The following GCC2 variants were observed in gnomAD, a reference collection of about 807,000 sequenced individuals.
GCC2 encodes the protein GRIP and coiled-coil domain containing 2.
In GCC2, 120 loss-of-function variants were observed where a neutral mutation model predicts 210.6. The observed-to-expected ratio is 0.57, with a 90% CI of 0.49 to 0.66. The LOEUF (loss-of-function observed/expected upper bound fraction) is 0.66, where lower values mean the gene tolerates loss of function less well. Ranked by LOEUF, GCC2 falls within the 30% of genes least tolerant of loss-of-function variation. The pLI is 0.00. For synonymous variants in GCC2, 703 were observed against 652.7 expected, an observed-to-expected ratio of 1.08 and a Z score of -1.17; for missense variants, 1,868 against 1,871.9, an observed-to-expected ratio of 1.00 and a Z score of 0.04.
chr2:108,486,127 A>G (rs1682127357), intron 15 of GCC2, among the ~76,000 whole-genome samples: 1 of 152,208 alleles, frequency 6.6e-6, no homozygotes. Flanking sequence ...AATATACTAT[A>G]GAATAGTGCA....
At position 108,486,694 on chromosome 2, in the gene GCC2, T is replaced by C. The variant is rs1193371609; in HGVS notation, c.3930+46T>C. The C allele has an allele frequency of 3.2e-6, 5 of 1,567,908 alleles. No individual in the cohort carries two copies. In the Admixed American group the frequency reaches 9.2e-5, roughly 29 times the overall value. ...ACAGCAAGCCACTGGGATTTTATTA[T>C]CAGCTAGTCATTGGTTTACTCCAGG... On this transcript the variant is annotated intron_variant, in intron 16 of 22. Transcript: ENST00000309863.
chr2:108,455,400 C>A (rs1680202459), intron 4 of GCC2, among the ~76,000 whole-genome samples: 1 of 151,994 alleles, frequency 6.6e-6, no homozygotes, highest in African/African-American at 2.4e-5. Context: ...GATAGTGCCA[C>A]TGCACTACAG....
chr2:108,482,361 A>G lies in GCC2; in HGVS notation c.3255A>G (p.Leu1085=), dbSNP rs1266296314. Residue 1085 remains leucine (L), a synonymous_variant, in exon 11 of 23, where the codon TTA becomes TTG. Transcript: ENST00000309863. ...IETLQSNAKL[L]EVQILEVQRA... is the part of the protein sequence containing the mutation. The stretch of plus-strand genomic sequence containing the variant: ...CATTACAGTCTAATGCCAAATTATT[A>G]GAAGTACAGATTTTAGAAGTCCAGA... 4 of 1,577,810 alleles carry G rather than the reference A, an allele frequency of 2.5e-6. No individual in the cohort carries two copies. In the African/African-American group the frequency reaches 5.4e-5, roughly 21 times the overall value.
At position 108,449,239 on chromosome 2, in the gene GCC2, G is replaced by C; in HGVS notation, c.-36G>C. 1.9e-6 allele frequency: 3 copies of C among 1,546,836 alleles called. No homozygotes were observed. Among genetic ancestry groups the C allele is most frequent in the East Asian group, 2.4e-5 (1 of 40,856 alleles). ...GCGCAAACAGAAGTGCAGCGGTGGC[G>C]GCGGCTGGTTGCGGGCCGGCGGCGG... is the stretch of plus-strand genomic sequence containing the variant. On this transcript the variant is annotated 5_prime_UTR_variant, in exon 1 of 23. Coordinates refer to ENST00000309863, the MANE Select transcript of GCC2 (RefSeq NM_181453.4).
intron 4 of GCC2, among the ~76,000 whole-genome samples, chr2:108,463,959 T>G (rs139777383): frequency 1.2e-3 from 186 of 152,192 alleles, no homozygotes; most frequent in African/African-American, 4.4e-3. Flanking sequence ...CAGGTGCCAC[T>G]GGTAATGGAC....
intron 3 of GCC2, 64 bp from the exon 4 acceptor site, chr2:108,452,334 AT>A (rs1237807164): frequency 8.2e-6 from 7 of 852,358 alleles, no homozygotes; most frequent in Non-Finnish European, 1.4e-5. Context: ...GAATGTACTT[AT>A]CAGTTTCCCA....
chr2:108,486,359 C>G lies in GCC2; in HGVS notation c.3793-152C>G, dbSNP rs1682139429. ...TTAGAAAATGTTCTACTTGTCTCTG[C>G]TTTTTCAATAATAATACATAAAAAT... is the stretch of plus-strand genomic sequence containing the variant. On this transcript the variant is annotated intron_variant, in intron 15 of 22. Coordinates refer to ENST00000309863, the MANE Select transcript of GCC2 (RefSeq NM_181453.4). 4.0e-6 allele frequency: 3 copies of G among 751,446 alleles called. No individual in the cohort carries two copies. In the South Asian group the frequency reaches 4.8e-5, roughly 12 times the overall value. 46.5% of individuals were successfully genotyped at this position (751,446 alleles called of 1,614,324 possible). A position where few individuals can be genotyped will look rare whatever the true frequency, so the allele number is the denominator to read the frequency against.
chr2:108,484,333 T>TC, intron 13 of GCC2, 22 bp downstream of exon 13: 1 of 1,352,214 alleles, frequency 7.4e-7, no homozygotes, highest in Non-Finnish European at 1.0e-6. Context: ...AAAATTCACT[T>TC]TACTTTTTAA....
rs765415439 is a variant in GCC2, at chr2:108,469,751, T to A, written c.422T>A (p.Val141Glu). 6.2e-7 allele frequency: 1 copy of A among 1,613,680 alleles called. No homozygotes were observed. The change falls in exon 6 of 23, where the codon GTA becomes GAA. Residue 141 changes from valine to glutamate, a missense_variant. This residue lies in a region of GCC2 where 1,847 missense variants were observed against 1,765.2 expected (regional missense o/e 1.05). Coordinates refer to ENST00000309863, the MANE Select transcript of GCC2 (RefSeq NM_181453.4). Reference protein sequence around the residue: ...IENLKNELMAVRSKYSEDKAN... With the variant: ...IENLKNELMAERSKYSEDKAN... ...AATTTGAAAAATGAGTTGATGGCAG[T>A]ACGTTCCAAATACAGTGAAGACAAA... is the stretch of plus-strand genomic sequence containing the variant.
chr2:108,469,636 T>A lies in GCC2; in HGVS notation c.322-15T>A. The A allele has an allele frequency of 6.4e-7, 1 of 1,551,572 alleles. No individual in the cohort carries two copies. Among genetic ancestry groups the A allele is most frequent in the Non-Finnish European group, 8.7e-7 (1 of 1,151,210 alleles). ...CTTACTTAAATAATTTATGTGTGCT[T>A]ATTTTTTGTAATAGGATTCTGTAAC... On this transcript the variant is annotated splice_polypyrimidine_tract_variant and intron_variant, in intron 5 of 22. Coordinates refer to ENST00000309863, the MANE Select transcript of GCC2 (RefSeq NM_181453.4).
chr2:108,481,428 A>G (rs1287579805), intron 9 of GCC2, among the ~76,000 whole-genome samples: 1 of 152,158 alleles, frequency 6.6e-6, no homozygotes, highest in African/African-American at 2.4e-5. Context: ...ATTTTTGTTA[A>G]TGAGTAGAAT....
rs770550098 is a variant in GCC2 at position 108,485,666 on chromosome 2, A to T, written c.3644A>T (p.Glu1215Val). Reference sequence around the variant, plus strand: ...TTACAGTCTTCAGTACAACAATATGAAGAAAAAAACACCAAAATCAAGCAA... The same window carrying T: ...TTACAGTCTTCAGTACAACAATATGTAGAAAAAAACACCAAAATCAAGCAA... ...TSLQSSVQQYEEKNTKIKQLL... is the reference protein window; with the variant it reads ...TSLQSSVQQYVEKNTKIKQLL... Residue 1215 changes from glutamate to valine, a missense_variant, in exon 14 of 23, where the codon GAA becomes GTA. Physicochemically the swap from Glu to Val is moderately radical, Grantham distance 121. Around this residue, in one of 3 missense-constraint regions of GCC2, gnomAD observed 1,847 missense variants for 1,765.2 expected, o/e 1.05. Transcript: ENST00000309863. 5 of 1,591,390 alleles carry T rather than the reference A, an allele frequency of 3.1e-6. No homozygotes were observed. The highest frequency in any genetic ancestry group is 3.4e-6 in the Non-Finnish European group (4 of 1,169,764).
intron 19 of GCC2, chr2:108,493,301 G>C: frequency 3.5e-6 from 2 of 579,410 alleles, no homozygotes; most frequent in South Asian, 6.6e-5. Flanking sequence ...TGTTAGCCAG[G>C]ATAGTCTCGA....
intron 4 of GCC2, among the ~76,000 whole-genome samples, chr2:108,467,849 C>G (rs1468081699): frequency 5.9e-5 from 9 of 152,118 alleles, no homozygotes; most frequent in Admixed American, 5.9e-4. Flanking sequence ...TTGGGATGAT[C>G]TGTCCCTTGA....
chr2:108,467,530 A>G (rs1046057878), intron 4 of GCC2, among the ~76,000 whole-genome samples: 5 of 152,146 alleles, frequency 3.3e-5, no homozygotes, highest in African/African-American at 4.8e-5. Flanking sequence ...CCTAGGCTCA[A>G]ACATGATCCT....
At chr2:108,468,761 A>G (rs574771645) in intron 4 of GCC2, among the ~76,000 whole-genome samples, 3 of 152,268 alleles carry the variant, frequency 2.0e-5, no homozygotes, top group African/African-American at 7.2e-5. Context: ...TCCTGCTTCT[A>G]ATTCAGTTCA....
At chr2:108,473,350 A>G (rs1458377614) in intron 7 of GCC2, 1 of 151,496 alleles carries the variant, frequency 6.6e-6, no homozygotes, top group Non-Finnish European at 1.5e-5. Context: ...TAGGGTTTTC[A>G]GCCAAGTCTT....
chr2:108,472,777 A>C (rs766594583), intron 6 of GCC2, 50 bp from the exon 7 acceptor site: 1 of 1,059,408 alleles, frequency 9.4e-7, no homozygotes, highest in Non-Finnish European at 1.4e-6. Flanking sequence ...ATGAATTCTG[A>C]TTCTGGTTTT....
At chr2:108,505,896 T>C (rs971075920) in intron 22 of GCC2, among the ~76,000 whole-genome samples, 3 of 152,198 alleles carry the variant, frequency 2.0e-5, no homozygotes, top group African/African-American at 7.2e-5. Flanking sequence ...AAAATGGCTT[T>C]AACTCTAGAA....
Sources: allele counts gnomAD v4.1 joint callset (sites outside exome capture counted in the v4.1 genomes callset), GRCh38; gene constraint gnomAD v4.1.1; regional missense constraint gnomAD v4.1.1; transcripts MANE v1.5; gene names NCBI Gene and HGNC (gene_info 2026-07-23, HGNC 2026-07-21).